Variants in DENND4C observed in about 807,000 individuals in gnomAD.
DENND4C encodes DENN domain-containing protein 4C.
In DENND4C, 108 loss-of-function variants were observed where a neutral mutation model predicts 203.0. The ratio of observed to expected loss-of-function variants is 0.53; its 90% confidence interval spans 0.46 to 0.62. The LOEUF (loss-of-function observed/expected upper bound fraction) is 0.62, where lower values mean the gene tolerates loss of function less well. Among genes scored for constraint, DENND4C ranks in the 20% least tolerant of loss-of-function variants. The probability of loss-of-function intolerance (pLI) is 0.00; values close to 1 mark genes in which losing one functional copy is unlikely to be tolerated. For missense variants in DENND4C, 2,481 were observed against 2,301.2 expected, an observed-to-expected ratio of 1.08 and a Z score of -1.60; for synonymous variants, 871 against 792.4, an observed-to-expected ratio of 1.10 and a Z score of -1.67.
intron 8 of DENND4C, among the ~76,000 whole-genome samples, 198 bp downstream of exon 8, chr9:19,299,485 G>A (rs138059546): frequency 2.1e-4 from 32 of 152,146 alleles, no homozygotes; most frequent in African/African-American, 7.0e-4. Flanking sequence ...TTATAAATGG[G>A]AACAATTAAG....
chr9:19,278,694 C>T (rs566982987), intron 2 of DENND4C, among the ~76,000 whole-genome samples: 7 of 152,256 alleles, frequency 4.6e-5, no homozygotes, highest in Non-Finnish European at 7.3e-5. Flanking sequence ...ATGCAGCATT[C>T]GTTTAACTCC....
intron 11 of DENND4C, 49 bp downstream of exon 11, chr9:19,316,566 A>C: frequency 6.2e-7 from 1 of 1,602,866 alleles, no homozygotes; most frequent in Non-Finnish European, 8.5e-7. Context: ...GTATACGAGA[A>C]AATTCTTCTT....
Position 19,313,647 on chromosome 9 carries a change from A to G in DENND4C, c.1488-2770A>G, listed in dbSNP as rs1381507332. 3.3e-5 allele frequency among the ~76,000 whole-genome samples: 5 copies of G among 152,368 alleles called. No homozygotes were observed. The South Asian group carries it at 8.3e-4, about 25-fold the overall frequency. On this transcript the variant is annotated intron_variant, in intron 10 of 32. Coordinates refer to ENST00000434457, the MANE Select transcript of DENND4C (RefSeq NM_001330640.2). ...GAGACGTTAAAATATGTCTTTTAAC[A>G]GTACCAGACACAAGGGAAGTGTTAG...
chr9:19,280,140 G>GCCCTCCTC (rs2130977001), intron 2 of DENND4C, among the ~76,000 whole-genome samples: 1 of 149,336 alleles, frequency 6.7e-6, no homozygotes, highest in East Asian at 2.0e-4. Context: ...CTACCTGCCT[G>GCCCTCCTC]CCTTCCTCCC....
chr9:19,366,603 A>G (rs1827737006), intron 30 of DENND4C, among the ~76,000 whole-genome samples: 1 of 152,142 alleles, frequency 6.6e-6, no homozygotes, highest in Admixed American at 6.5e-5. Context: ...CTCTGTCTCA[A>G]AAAAAAGAAT....
intron 23 of DENND4C, 72 bp from the exon 24 acceptor site, chr9:19,350,630 G>C (rs1344134803): frequency 7.7e-7 from 1 of 1,302,148 alleles, no homozygotes; most frequent in African/African-American, 1.5e-5. Flanking sequence ...ATTTTGAAAA[G>C]GGTAGAGTGG....
intron 1 of DENND4C, among the ~76,000 whole-genome samples, chr9:19,259,596 CCAGGTTCAAG>C (rs1813023938): frequency 6.6e-6 from 1 of 151,424 alleles, no homozygotes; most frequent in Non-Finnish European, 1.5e-5. Flanking sequence ...CCTCCGCCTC[CCAGGTTCAAG>C]CGATTTCTCC....
At chr9:19,369,428 C>CTATTG (rs1828331040) in intron 30 of DENND4C, among the ~76,000 whole-genome samples, 1 of 152,088 alleles carries the variant, frequency 6.6e-6, no homozygotes, top group Admixed American at 6.6e-5. Flanking sequence ...TGGGGAAGTG[C>CTATTG]TATTGGTTAA....
In DENND4C at chr9:19,332,207, G is replaced by T. The variant is rs1415311436; in HGVS notation, c.2460+23G>T. 33 of 1,601,116 alleles carry T rather than the reference G, an allele frequency of 2.1e-5. No individual in the cohort carries two copies. In the East Asian group the frequency reaches 7.2e-4, roughly 35 times the overall value. ...GAGGCAAGTATAACAAATTGACATT[G>T]TTTCTAAGGTAAATTTTATTTTTGT... On this transcript the variant is annotated intron_variant, in intron 17 of 32. Transcript: ENST00000434457.
At chr9:19,242,520 G>A (rs1195324696) in intron 1 of DENND4C, among the ~76,000 whole-genome samples, 1 of 152,082 alleles carries the variant, frequency 6.6e-6, no homozygotes, top group Non-Finnish European at 1.5e-5. Context: ...CAAAAGGGCT[G>A]TTTTATTTTG....
At chr9:19,347,204 A>G (rs1162385992) in intron 23 of DENND4C, 118 bp downstream of exon 23, 1 of 1,062,684 alleles carries the variant, frequency 9.4e-7, no homozygotes, top group Non-Finnish European at 1.3e-6. Context: ...CAGTGGCATG[A>G]TTTTGGCTGT....
At position 19,286,766 on chromosome 9, in the gene DENND4C, C is replaced by A; in HGVS notation, c.306-3C>A. 1 of 1,232,028 alleles carries A rather than the reference C, an allele frequency of 8.1e-7. No individual in the cohort carries two copies. The highest frequency in any genetic ancestry group is 1.0e-6 in the Non-Finnish European group (1 of 987,944). 76.3% of individuals were successfully genotyped at this position (1,232,028 alleles called of 1,614,324 possible). ...TCTATTTCTTCCCCTTCCTGCCATGCAGAGTTCTATATGAAGGGAAAGAAC... is the reference window on the plus strand; with the variant it reads ...TCTATTTCTTCCCCTTCCTGCCATGAAGAGTTCTATATGAAGGGAAAGAAC... On this transcript the variant is annotated splice_region_variant and splice_polypyrimidine_tract_variant and intron_variant, in intron 2 of 32. Coordinates refer to ENST00000434457, the MANE Select transcript of DENND4C (RefSeq NM_001330640.2).
chr9:19,316,678 T>C lies in DENND4C; in HGVS notation c.1646T>C (p.Phe549Ser). 1 of 1,614,046 alleles carries C rather than the reference T, an allele frequency of 6.2e-7. No homozygotes were observed. Among genetic ancestry groups the C allele is most frequent in the Non-Finnish European group, 8.5e-7 (1 of 1,179,992 alleles). ...GACATGACTCCAATTGAAGCAGATT[T>C]CTCCTGGCAAAAGAAGATGACACAG... is the stretch of plus-strand genomic sequence containing the variant. ...AIDMTPIEAD[F>S]SWQKKMTQLE... Residue 549 changes from phenylalanine to serine, a missense_variant, in exon 12 of 33, where the codon TTC (phenylalanine) becomes TCC (serine). Around this residue, in one of 3 missense-constraint regions of DENND4C, gnomAD observed 2,289 missense variants for 2,113.3 expected, o/e 1.08. Transcript: ENST00000434457.
At position 19,351,864 on chromosome 9, in the gene DENND4C, G is replaced by A. The variant is rs562551008; in HGVS notation, c.4496-209G>A. On this transcript the variant is annotated intron_variant, in intron 24 of 32. Coordinates refer to ENST00000434457, the MANE Select transcript of DENND4C (RefSeq NM_001330640.2). ...AAATGTCCTGAAAGTTGAAAGAATC[G>A]TATAATGAACAATCATGTATTTTCC... Among the ~76,000 whole-genome samples, 16 of 150,976 alleles carry A rather than the reference G, an allele frequency of 1.1e-4. No individual in the cohort carries two copies. In the East Asian group the frequency reaches 1.4e-3, roughly 13 times the overall value.
In DENND4C at chr9:19,354,017, G is replaced by C. The variant is rs143112589; in HGVS notation, c.4781+1352G>C. On this transcript the variant is annotated intron_variant, in intron 26 of 32. Transcript: ENST00000434457. Reference sequence around the variant, plus strand: ...CTTTGGACTGTGCAAGGGCCCTCTCGTGTTTATCCTCCTTTCCTCATTCCC... The same window carrying C: ...CTTTGGACTGTGCAAGGGCCCTCTCCTGTTTATCCTCCTTTCCTCATTCCC... Among the ~76,000 whole-genome samples the C allele has an allele frequency of 1.7e-3, 257 of 152,230 alleles. 1 individual carries two copies. The highest frequency in any genetic ancestry group is 5.9e-3 in the African/African-American group (245 of 41,530).
At chr9:19,364,130 C>T (rs975613098) in intron 30 of DENND4C, among the ~76,000 whole-genome samples, 1 of 151,940 alleles carries the variant, frequency 6.6e-6, no homozygotes, top group Admixed American at 6.6e-5. Flanking sequence ...CAGCAGTTAG[C>T]TATGATTGCA....
At chr9:19,317,290 G>T (rs1397370105) in intron 12 of DENND4C, among the ~76,000 whole-genome samples, 1 of 151,530 alleles carries the variant, frequency 6.6e-6, no homozygotes, top group Admixed American at 6.6e-5. Context: ...AAAATGCTGG[G>T]ATTACAGGTG....
chr9:19,287,125 A>T (rs1835351586), intron 3 of DENND4C, 104 bp downstream of exon 3: 1 of 1,012,470 alleles, frequency 9.9e-7, no homozygotes, highest in Non-Finnish European at 1.3e-6. Flanking sequence ...TTATATTTTC[A>T]TGATGCTTGT....
upstream of DENND4C, chr9:19,230,627 C>G (rs367984488): frequency 4.3e-4 from 65 of 152,216 alleles, no homozygotes; most frequent in African/African-American, 1.3e-3. Flanking sequence ...GGCCAGCGCT[C>G]CGGCCATCGC....
Sources: allele counts gnomAD v4.1 joint callset (sites outside exome capture counted in the v4.1 genomes callset), GRCh38; gene constraint gnomAD v4.1.1; regional missense constraint gnomAD v4.1.1; transcripts MANE v1.5; gene names NCBI Gene and HGNC (gene_info 2026-07-23, HGNC 2026-07-21).